The following ADI1 variants were observed in gnomAD, a reference collection of about 807,000 sequenced individuals.
ADI1 encodes acireductone dioxygenase.
ADI1 carries 21 observed loss-of-function variants against 18.7 expected under a neutral mutation model. That is an observed-to-expected ratio of 1.13 (90% CI 0.80 to 1.62). The LOEUF (loss-of-function observed/expected upper bound fraction) is 1.62, where lower values mean the gene tolerates loss of function less well. ADI1 is among the 40% of genes most tolerant of loss of function. ADI1 has a pLI of 0.00. For synonymous variants in ADI1, 90 were observed against 100.1 expected, an observed-to-expected ratio of 0.90 and a Z score of 0.60; for missense variants, 245 against 254.9, an observed-to-expected ratio of 0.96 and a Z score of 0.26.
intron 2 of ADI1, among the ~76,000 whole-genome samples, chr2:3,511,471 T>C (rs1329107874): frequency 6.6e-6 from 1 of 152,234 alleles, no homozygotes; most frequent in Non-Finnish European, 1.5e-5. Context: ...CCTTCTGCCA[T>C]GACTGTAAGC....
Position 3,519,380 on chromosome 2 carries a change from C to T in ADI1, c.108G>A (p.Val36=). ...TGGGCTCGCGTACCTTCCAGTAGAG[C>T]ACCCCGAGCCGCCGCAGCTGCTCCA... ...VGLEQLRRLG[V]LYWKLDADKY... is the part of the protein sequence containing the mutation. Residue 36 remains valine, a synonymous_variant, in exon 1 of 4, where the codon GTG becomes GTA. Transcript: ENST00000327435. 7.0e-7 allele frequency: 1 copy of T among 1,428,702 alleles called. No homozygotes were observed. The highest frequency in any genetic ancestry group is 9.1e-7 in the Non-Finnish European group (1 of 1,098,620). 88.5% of individuals were successfully genotyped at this position (1,428,702 alleles called of 1,614,324 possible).
At chr2:3,509,488 C>T (rs985800094) in intron 2 of ADI1, among the ~76,000 whole-genome samples, 6 of 151,974 alleles carry the variant, frequency 3.9e-5, no homozygotes, top group African/African-American at 1.5e-4. Context: ...TCTCTGACTA[C>T]ACCAGAAATA....
chr2:3,515,504 C>T (rs1316475192), intron 1 of ADI1: 2 of 152,260 alleles, frequency 1.3e-5, no homozygotes. Flanking sequence ...CAGCACTGAA[C>T]ATAGATCTTT....
chr2:3,510,260 A>T (rs1338782204), intron 2 of ADI1, among the ~76,000 whole-genome samples: 3 of 152,118 alleles, frequency 2.0e-5, no homozygotes, highest in Admixed American at 2.0e-4. Flanking sequence ...GACTGCAGTG[A>T]GCTATGATTG....
chr2:3,504,272 C>A (rs989819062), intron 2 of ADI1, among the ~76,000 whole-genome samples: 1 of 152,092 alleles, frequency 6.6e-6, no homozygotes, highest in African/African-American at 2.4e-5. Context: ...ATCACAAGAT[C>A]GTCAGAAAAT....
rs1021193872 is a variant in ADI1 at position 3,497,992 on chromosome 2, C to T, written c.*971G>A. On this transcript the variant is annotated 3_prime_UTR_variant, in exon 4 of 4. Coordinates refer to ENST00000327435, the MANE Select transcript of ADI1 (RefSeq NM_018269.4). ...CAGAAGCAAGCCCTGCGGTATATGG[C>T]ATCATCACACCACCGGTGGGTATTT... 6.6e-6 allele frequency: 1 copy of T among 152,072 alleles called. No homozygotes were observed. Among genetic ancestry groups the T allele is most frequent in the African/African-American group, 2.4e-5 (1 of 41,398 alleles). 9.4% of individuals were successfully genotyped at this position (152,072 alleles called of 1,614,324 possible).
rs946379943 is a variant in ADI1, at chr2:3,498,811, T to C, written c.*152A>G. 5 of 1,328,752 alleles carry C rather than the reference T, an allele frequency of 3.8e-6. No individual in the cohort carries two copies. Among genetic ancestry groups the C allele is most frequent in the Non-Finnish European group, 5.1e-6 (5 of 982,338 alleles). The allele number at this position is 1,328,752 out of a possible 1,614,324, so 82.3% of individuals were successfully genotyped here. On this transcript the variant is annotated 3_prime_UTR_variant, in exon 4 of 4. Coordinates refer to ENST00000327435, the MANE Select transcript of ADI1 (RefSeq NM_018269.4). ...CCAAGTTGCTTTCTAGATCCTTTCATTACAAAATATTCTGATCAAATAATC... is the reference window on the plus strand; with the variant it reads ...CCAAGTTGCTTTCTAGATCCTTTCACTACAAAATATTCTGATCAAATAATC...
In ADI1 at chr2:3,500,784, G is replaced by A. The variant is rs80109912; in HGVS notation, c.420+30C>T. On this transcript the variant is annotated intron_variant, in intron 3 of 3. Coordinates refer to ENST00000327435, the MANE Select transcript of ADI1 (RefSeq NM_018269.4). ...CACGGCCAGGGCCACCACACAGGCC[G>A]GGCCTGGGGAGAAAGCACAGCACTC... 1.8e-3 allele frequency: 2,875 copies of A among 1,612,812 alleles called. 43 individuals carry two copies. The East Asian group carries it at 0.032, about 18-fold the overall frequency.
At chr2:3,514,287 A>G (rs1667353337) in intron 1 of ADI1, among the ~76,000 whole-genome samples, 1 of 152,156 alleles carries the variant, frequency 6.6e-6, no homozygotes, top group African/African-American at 2.4e-5. Flanking sequence ...TCCACTCCAC[A>G]GGTCCCTCAC....
rs1421127090 is a variant in ADI1, at chr2:3,503,334, CAT to C, written c.241-2343_241-2342del. Among the ~76,000 whole-genome samples, 3 of 150,918 alleles carry C rather than the reference CAT, an allele frequency of 2.0e-5. 1 individual carries two copies. The highest frequency in any genetic ancestry group is 4.4e-5 in the Non-Finnish European group (3 of 67,900). ...ACACGCACATTCACACACATGCACACATACACACGTACTCACACGCACATTCA... is the reference window on the plus strand; with the variant it reads ...ACACGCACATTCACACACATGCACACACACACGTACTCACACGCACATTCA... On this transcript the variant is annotated intron_variant, in intron 2 of 3. Coordinates refer to ENST00000327435, the MANE Select transcript of ADI1 (RefSeq NM_018269.4).
chr2:3,519,519 A>C lies in ADI1; in HGVS notation c.-32T>G, dbSNP rs763461989. ...CAGTGCGGGTGCCGTGTTCGAACCCAGGGGCCGCGCTCGGAGCCCGTCGGC... is the reference window on the plus strand; with the variant it reads ...CAGTGCGGGTGCCGTGTTCGAACCCCGGGGCCGCGCTCGGAGCCCGTCGGC... On this transcript the variant is annotated 5_prime_UTR_variant, in exon 1 of 4. Coordinates refer to ENST00000327435, the MANE Select transcript of ADI1 (RefSeq NM_018269.4). 1 of 1,257,074 alleles carries C rather than the reference A, an allele frequency of 8.0e-7. No homozygotes were observed. The highest frequency in any genetic ancestry group is 4.1e-5 in the Admixed American group (1 of 24,624). 77.9% of individuals were successfully genotyped at this position (1,257,074 alleles called of 1,614,324 possible). A position where few individuals can be genotyped will look rare whatever the true frequency, so the allele number is the denominator to read the frequency against.
At chr2:3,518,963 G>A (rs911810432) in intron 1 of ADI1, among the ~76,000 whole-genome samples, 1 of 151,404 alleles carries the variant, frequency 6.6e-6, no homozygotes, top group Non-Finnish European at 1.5e-5. Flanking sequence ...CACACCCCAG[G>A]CAACAGAAAC....
At chr2:3,513,662 G>T (rs1326719099) in intron 2 of ADI1, among the ~76,000 whole-genome samples, 195 bp downstream of exon 2, 1 of 152,142 alleles carries the variant, frequency 6.6e-6, no homozygotes, top group African/African-American at 2.4e-5. Context: ...GGAAGCACAT[G>T]CTTCCTGTAG....
chr2:3,503,205 T>TCA (rs1222646141), intron 2 of ADI1, among the ~76,000 whole-genome samples: 1 of 136,330 alleles, frequency 7.3e-6, no homozygotes, highest in Non-Finnish European at 1.5e-5. Context: ...ATGCATGCAT[T>TCA]CACACACATG....
chr2:3,500,443 A>AAAC (rs1342351945), intron 3 of ADI1: 3 of 372,110 alleles, frequency 8.1e-6, no homozygotes, highest in Admixed American at 4.3e-5. Flanking sequence ...CCTCACCACC[A>AAAC]AACACGGGCT....
chr2:3,513,406 G>T (rs895382665), intron 2 of ADI1, among the ~76,000 whole-genome samples: 20 of 152,202 alleles, frequency 1.3e-4, no homozygotes, highest in African/African-American at 4.8e-4. Context: ...CCCCAGTATT[G>T]AAAGTGGGAC....
Position 3,498,943 on chromosome 2 carries a change from T to A in ADI1, c.*20A>T. ...ATTGGGGACCTTTACGAGGCACGTGTTAGTTCCCAGGCAGCACTGCTAGGC... is the reference window on the plus strand; with the variant it reads ...ATTGGGGACCTTTACGAGGCACGTGATAGTTCCCAGGCAGCACTGCTAGGC... On this transcript the variant is annotated 3_prime_UTR_variant, in exon 4 of 4. Coordinates refer to ENST00000327435, the MANE Select transcript of ADI1 (RefSeq NM_018269.4). The A allele has an allele frequency of 6.3e-7, 1 of 1,596,426 alleles. No homozygotes were observed. Among genetic ancestry groups the A allele is most frequent in the Non-Finnish European group, 8.6e-7 (1 of 1,166,602 alleles).
At chr2:3,504,161 T>G (rs1052980381) in intron 2 of ADI1, among the ~76,000 whole-genome samples, 10 of 152,300 alleles carry the variant, frequency 6.6e-5, no homozygotes, top group Admixed American at 1.3e-4. Context: ...CAGGGCACGT[T>G]GACATCAGCA....
intron 1 of ADI1, chr2:3,514,746 G>T: frequency 6.6e-7 from 1 of 1,524,210 alleles, no homozygotes; most frequent in East Asian, 2.5e-5. Flanking sequence ...AAAACTACTG[G>T]CAGTGAATCT....
Sources: allele counts gnomAD v4.1 joint callset (sites outside exome capture counted in the v4.1 genomes callset), GRCh38; gene constraint gnomAD v4.1.1; transcripts MANE v1.5; gene names NCBI Gene and HGNC (gene_info 2026-07-23, HGNC 2026-07-21).